NTM: variants seen among roughly 807,000 people sequenced by gnomAD.
The protein encoded by NTM is IgLON family member 2.
In NTM, 13 loss-of-function variants were observed where a neutral mutation model predicts 42.1. The ratio of observed to expected loss-of-function variants is 0.31; its 90% CI spans 0.20 to 0.49. The LOEUF is 0.49. Among genes scored for constraint, NTM ranks in the 20% least tolerant of loss-of-function variants. NTM has a pLI of 0.99. For synonymous variants in NTM, 187 were observed against 179.2 expected (o/e 1.04, Z -0.35); for missense variants, 373 against 452.8 (o/e 0.82, Z 1.60).
intron 1 of NTM, among the ~76,000 whole-genome samples, chr11:131,389,369 G>A (rs1943733702): frequency 6.6e-6 from 1 of 152,208 alleles, no homozygotes; most frequent in South Asian, 2.1e-4. Context: ...ATTTGCCGGT[G>A]CCCAGAATAT....
chr11:131,968,751 T>C (rs1234080288), intron 2 of NTM, among the ~76,000 whole-genome samples: 1 of 152,208 alleles, frequency 6.6e-6, no homozygotes, highest in Non-Finnish European at 1.5e-5. Flanking sequence ...TTCACTTTTA[T>C]AATTCACACA....
chr11:132,143,433 AG>A (rs1162743146), intron 2 of NTM, among the ~76,000 whole-genome samples: 1 of 152,226 alleles, frequency 6.6e-6, no homozygotes, highest in Non-Finnish European at 1.5e-5. Flanking sequence ...AGCACCTATA[AG>A]AACACTAAAT....
intron 1 of NTM, among the ~76,000 whole-genome samples, chr11:131,726,801 C>A (rs372891852): frequency 6.6e-6 from 1 of 150,912 alleles, no homozygotes. Context: ...GCAGCCTAAA[C>A]CTAATGGGCT....
chr11:131,968,442 A>G (rs1355981688), intron 2 of NTM, among the ~76,000 whole-genome samples: 2 of 152,196 alleles, frequency 1.3e-5, no homozygotes, highest in African/African-American at 4.8e-5. Flanking sequence ...TTTCTTAAAC[A>G]TATTAAGGTT....
chr11:131,635,106 T>C (rs1325240971), intron 1 of NTM, among the ~76,000 whole-genome samples: 1 of 152,228 alleles, frequency 6.6e-6, no homozygotes, highest in African/African-American at 2.4e-5. Flanking sequence ...CGTAACGTCA[T>C]AGTGCAATGC....
chr11:131,874,065 A>ATATATATATCTATCTATC (rs1565659857), intron 1 of NTM, among the ~76,000 whole-genome samples: 4 of 60,192 alleles, frequency 6.6e-5, no homozygotes, highest in African/African-American at 1.7e-4. Context: ...ATATATATAT[A>ATATATATATCTATCTATC]TATCAGCAAC....
chr11:132,293,551 G>T lies in NTM; in HGVS notation c.527-14138G>T, dbSNP rs538865821. Among the ~76,000 whole-genome samples the T allele has an allele frequency of 1.2e-3, 180 of 152,214 alleles. 1 individual carries two copies. Among genetic ancestry groups the T allele is most frequent in the African/African-American group, 3.9e-3 (164 of 41,542 alleles). Reference sequence around the variant, plus strand: ...CGATGAAGGGTTATATGAAACAGCGGGTGTGAGACTACAGGAAATCATAGA... The same window carrying T: ...CGATGAAGGGTTATATGAAACAGCGTGTGTGAGACTACAGGAAATCATAGA... On this transcript the variant is annotated intron_variant, in intron 4 of 8. Coordinates refer to ENST00000683400, the MANE Select transcript of NTM (RefSeq NM_001352005.2).
chr11:132,012,513 A>G (rs2072436142), intron 2 of NTM, among the ~76,000 whole-genome samples: 1 of 152,184 alleles, frequency 6.6e-6, no homozygotes, highest in South Asian at 2.1e-4. Flanking sequence ...GCATATGATG[A>G]TAAAGAAGAC....
At chr11:131,896,954 C>G (rs1225639471) in intron 1 of NTM, 2 of 152,216 alleles carry the variant, frequency 1.3e-5, no homozygotes, top group African/African-American at 4.8e-5. Context: ...TCCCAAAGTG[C>G]TGGGATTACA....
At chr11:132,166,100 G>A (rs1011125903) in intron 3 of NTM, among the ~76,000 whole-genome samples, 11 of 152,058 alleles carry the variant, frequency 7.2e-5, no homozygotes, top group Admixed American at 3.9e-4. Context: ...GCTTGTTGTA[G>A]TTTTGACACA....
chr11:131,641,060 C>G (rs2065069396), intron 1 of NTM, among the ~76,000 whole-genome samples: 1 of 152,178 alleles, frequency 6.6e-6, no homozygotes. Flanking sequence ...GGAGCAGTCT[C>G]TCTGTGCTCA....
At chr11:131,390,074 A>G (rs1404800688) in intron 1 of NTM, among the ~76,000 whole-genome samples, 1 of 152,146 alleles carries the variant, frequency 6.6e-6, no homozygotes, top group African/African-American at 2.4e-5. Context: ...AAAGAGGTTT[A>G]TTTGGCTCAT....
intron 1 of NTM, among the ~76,000 whole-genome samples, chr11:131,733,732 T>G (rs905530484): frequency 6.6e-6 from 1 of 151,626 alleles, no homozygotes; most frequent in Non-Finnish European, 1.5e-5. Context: ...GATGGGGGGG[T>G]TTGCCATGAT....
chr11:132,301,447 C>T (rs1024114402), intron 4 of NTM, among the ~76,000 whole-genome samples: 1 of 152,160 alleles, frequency 6.6e-6, no homozygotes, highest in Non-Finnish European at 1.5e-5. Flanking sequence ...TCTGGCCAAG[C>T]CCACTTTCTT....
At chr11:131,979,287 C>T (rs1241837037) in intron 2 of NTM, among the ~76,000 whole-genome samples, 2 of 152,138 alleles carry the variant, frequency 1.3e-5, no homozygotes, top group African/African-American at 2.4e-5. Context: ...AAAATCAATC[C>T]ATCTCCCTGC....
intron 1 of NTM, among the ~76,000 whole-genome samples, chr11:131,707,666 T>C (rs1020270193): frequency 2.0e-5 from 3 of 152,152 alleles, no homozygotes; most frequent in African/African-American, 7.2e-5. Flanking sequence ...GTTTATCTTT[T>C]ATTTTTTAAT....
At chr11:132,261,539 T>C (rs2092854980) in intron 4 of NTM, among the ~76,000 whole-genome samples, 1 of 152,202 alleles carries the variant, frequency 6.6e-6, no homozygotes, top group Non-Finnish European at 1.5e-5. Context: ...TTAGTCAGAA[T>C]TGGTTAAATG....
intron 2 of NTM, among the ~76,000 whole-genome samples, chr11:132,083,661 T>C (rs1043690754): frequency 9.2e-5 from 14 of 152,188 alleles, no homozygotes; most frequent in Admixed American, 9.2e-4. Flanking sequence ...CAGGGGGCTT[T>C]TATTGGCTCT....
intron 1 of NTM, among the ~76,000 whole-genome samples, chr11:131,791,278 T>G (rs559202394): frequency 3.9e-5 from 6 of 152,336 alleles, no homozygotes; most frequent in Middle Eastern, 3.4e-3. Context: ...ATAAGGTACT[T>G]GCAGATATTC....
Sources: allele counts gnomAD v4.1 joint callset (sites outside exome capture counted in the v4.1 genomes callset), GRCh38; gene constraint gnomAD v4.1.1; transcripts MANE v1.5; gene names NCBI Gene and HGNC (gene_info 2026-07-23, HGNC 2026-07-21).